Variants in SPATS2L observed in about 807,000 individuals in gnomAD.
The protein encoded by SPATS2L is spermatogenesis associated serine rich 2 like.
Under a neutral mutation model 59.6 loss-of-function variants are expected in SPATS2L, and 30 were observed. The observed-to-expected ratio is 0.50, with a 90% CI of 0.38 to 0.68. The LOEUF (loss-of-function observed/expected upper bound fraction) is 0.68, where lower values mean the gene tolerates loss of function less well. Ranked by LOEUF, SPATS2L falls within the 30% of genes least tolerant of loss-of-function variation. The pLI, the probability that SPATS2L is intolerant of heterozygous loss-of-function variation, is 0.00. For missense variants in SPATS2L, 615 were observed against 700.0 expected (o/e 0.88, Z 1.37); for synonymous variants, 252 against 263.5 (o/e 0.96, Z 0.42).
intron 2 of SPATS2L, chr2:200,372,270 C>A: frequency 1.2e-6 from 1 of 865,800 alleles, no homozygotes; most frequent in African/African-American, 1.8e-5. Context: ...ATTCCCTCTC[C>A]ATTATCCTCA....
At chr2:200,402,412 A>G (rs1035840845) in intron 3 of SPATS2L, among the ~76,000 whole-genome samples, 1 of 152,116 alleles carries the variant, frequency 6.6e-6, no homozygotes, top group Non-Finnish European at 1.5e-5. Context: ...TCCTTTGAGC[A>G]TGTTCTTCCA....
At chr2:200,354,004 G>GT (rs750472139) in intron 2 of SPATS2L, among the ~76,000 whole-genome samples, 1 of 152,118 alleles carries the variant, frequency 6.6e-6, no homozygotes, top group Non-Finnish European at 1.5e-5. Flanking sequence ...CATTTCCCAA[G>GT]TAAGTTTGTT....
chr2:200,385,217 G>T (rs1221918736), intron 2 of SPATS2L, among the ~76,000 whole-genome samples: 2 of 152,208 alleles, frequency 1.3e-5, no homozygotes, highest in Admixed American at 1.3e-4. Context: ...CCAGACATCT[G>T]TTACTCACTG....
At chr2:200,367,350 G>C (rs1391219867) in intron 2 of SPATS2L, among the ~76,000 whole-genome samples, 1 of 152,066 alleles carries the variant, frequency 6.6e-6, no homozygotes, top group East Asian at 1.9e-4. Context: ...CCACTTCCAG[G>C]TCAGGGCCAT....
At chr2:200,466,604 A>T (rs2086622720) in intron 9 of SPATS2L, among the ~76,000 whole-genome samples, 1 of 152,236 alleles carries the variant, frequency 6.6e-6, no homozygotes, top group African/African-American at 2.4e-5. Context: ...GGTGCTAAAA[A>T]ATTCACACGA....
At chr2:200,467,708 T>G (rs1407394511) in intron 10 of SPATS2L, among the ~76,000 whole-genome samples, 6 of 152,200 alleles carry the variant, frequency 3.9e-5, no homozygotes, top group African/African-American at 1.4e-4. Context: ...GGATATTATT[T>G]TCACACACTG....
chr2:200,450,943 G>A (rs2085395094), intron 8 of SPATS2L, among the ~76,000 whole-genome samples: 1 of 152,116 alleles, frequency 6.6e-6, no homozygotes, highest in African/African-American at 2.4e-5. Context: ...GGAGAAGGAA[G>A]AAAGAAGATT....
chr2:200,472,872 C>T lies in SPATS2L; in HGVS notation c.1101C>T (p.Cys367=). The change falls in exon 12 of 13, where the codon TGC becomes TGT. Residue 367 remains cysteine, a synonymous_variant. Coordinates refer to ENST00000409140, the MANE Select transcript of SPATS2L (RefSeq NM_001100423.2). ...PKNNYSSRTP[C]SSLLPLLNAH... Reference sequence around the variant, plus strand: ...ACAACTATTCCTCAAGAACTCCCTGCAGCTCCCTGCTGCCTCTGCTGAATG... The same window carrying T: ...ACAACTATTCCTCAAGAACTCCCTGTAGCTCCCTGCTGCCTCTGCTGAATG... 2.5e-6 allele frequency: 4 copies of T among 1,613,970 alleles called. No homozygotes were observed. Among genetic ancestry groups the T allele is most frequent in the Non-Finnish European group, 3.4e-6 (4 of 1,179,884 alleles).
chr2:200,434,881 A>G (rs1017656226), intron 6 of SPATS2L, among the ~76,000 whole-genome samples: 1 of 152,174 alleles, frequency 6.6e-6, no homozygotes, highest in Non-Finnish European at 1.5e-5. Context: ...AGGACCTAAG[A>G]TAGTCAAAAC....
At chr2:200,413,912 A>G in intron 4 of SPATS2L, among the ~76,000 whole-genome samples, 1 of 152,222 alleles carries the variant, frequency 6.6e-6, no homozygotes. Flanking sequence ...AGAAGCAAAT[A>G]GTAGAGAATG....
At chr2:200,309,095 G>T in intron 1 of SPATS2L, 1 of 717,950 alleles carries the variant, frequency 1.4e-6, no homozygotes, top group South Asian at 1.5e-5. Context: ...TGCCATGTAA[G>T]TGGTAAGCTT....
intron 1 of SPATS2L, among the ~76,000 whole-genome samples, chr2:200,310,877 C>G (rs1451247996): frequency 2.0e-5 from 3 of 152,172 alleles, no homozygotes; most frequent in Non-Finnish European, 2.9e-5. Flanking sequence ...TCTTCAAGTT[C>G]AAGTCAGCCT....
chr2:200,377,750 T>C (rs2081648913), intron 2 of SPATS2L, among the ~76,000 whole-genome samples: 2 of 152,326 alleles, frequency 1.3e-5, no homozygotes, highest in South Asian at 4.1e-4. Flanking sequence ...GACATGGTTT[T>C]TACATTTTCC....
intron 3 of SPATS2L, among the ~76,000 whole-genome samples, chr2:200,395,593 A>G (rs2082304473): frequency 6.6e-6 from 1 of 152,230 alleles, no homozygotes; most frequent in East Asian, 1.9e-4. Context: ...TCTGCCTCAC[A>G]AAGTCATCAA....
intron 8 of SPATS2L, among the ~76,000 whole-genome samples, chr2:200,448,345 G>C (rs1265832940): frequency 6.6e-6 from 1 of 152,150 alleles, no homozygotes; most frequent in Non-Finnish European, 1.5e-5. Flanking sequence ...AGGAAGCTGA[G>C]GCAGGAGAAT....
At position 200,431,430 on chromosome 2, in the gene SPATS2L, T is replaced by C. The variant is rs569952093; in HGVS notation, c.446-7692T>C. On this transcript the variant is annotated intron_variant, in intron 6 of 12. Coordinates refer to ENST00000409140, the MANE Select transcript of SPATS2L (RefSeq NM_001100423.2). The stretch of plus-strand genomic sequence containing the variant: ...ACATAGACATTAGCAATTTTAGACA[T>C]AATTTTACAACAACAAAGTTATGCT... Among the ~76,000 whole-genome samples the C allele has an allele frequency of 7.2e-5, 11 of 152,328 alleles. No individual in the cohort carries two copies. In the South Asian group the frequency reaches 2.3e-3, roughly 32 times the overall value.
chr2:200,319,564 C>CAAA (rs56210295), intron 1 of SPATS2L, among the ~76,000 whole-genome samples: 30 of 50,990 alleles, frequency 5.9e-4, no homozygotes, highest in African/African-American at 2.0e-3. Flanking sequence ...GACCCCACCT[C>CAAA]AAAAAAAAAA....
chr2:200,418,441 G>A (rs1233877311), intron 5 of SPATS2L, among the ~76,000 whole-genome samples: 1 of 152,096 alleles, frequency 6.6e-6, no homozygotes, highest in Non-Finnish European at 1.5e-5. Context: ...GCATGTGGTG[G>A]TGCATGCCTG....
rs1425511996 is a variant in SPATS2L, at chr2:200,419,356, A to C, written c.305A>C (p.Gln102Pro). The change falls in exon 6 of 13, where the codon CAG (glutamine) becomes CCG (proline). Residue 102 changes from glutamine to proline, a missense_variant. Physicochemically the swap from Gln to Pro is moderately conservative, Grantham distance 76. This residue lies in a region of SPATS2L where 227 missense variants were observed against 257.4 expected (regional missense o/e 0.88). Coordinates refer to ENST00000409140, the MANE Select transcript of SPATS2L (RefSeq NM_001100423.2). ...GGGCCCCTGCAGCCGCAGCCACCACAGATTCAAAACGGCCCCATGAATGGC... is the reference window on the plus strand; with the variant it reads ...GGGCCCCTGCAGCCGCAGCCACCACCGATTCAAAACGGCCCCATGAATGGC... ...EAGPLQPQPP[Q>P]IQNGPMNGCE... 6.2e-7 allele frequency: 1 copy of C among 1,611,974 alleles called. No individual in the cohort carries two copies. The highest frequency in any genetic ancestry group is 2.2e-5 in the East Asian group (1 of 44,704).
Sources: gnomAD v4.1 joint callset for allele counts (sites outside exome capture counted in the v4.1 genomes callset) on GRCh38, gnomAD v4.1.1 for gene constraint, gnomAD v4.1.1 regional missense constraint, MANE v1.5 for transcripts, NCBI Gene and HGNC (gene_info 2026-07-23, HGNC 2026-07-21) for gene names.